The following ACACA variants were observed in gnomAD, a reference collection of about 807,000 sequenced individuals.
ACACA encodes the protein acetyl-CoA carboxylase 1.
A neutral mutation model predicts 296.1 loss-of-function variants in ACACA; 103 were observed. That is an observed-to-expected ratio of 0.35 (90% CI 0.30 to 0.41). ACACA has a LOEUF of 0.41. ACACA is among the 10% of genes least tolerant of loss of function. ACACA has a pLI of 1.00. For missense variants in ACACA, 1,554 were observed against 2,989.7 expected (o/e 0.52, Z 11.20); for synonymous variants, 953 against 1,038.6 (o/e 0.92, Z 1.58).
intron 3 of ACACA, among the ~76,000 whole-genome samples, chr17:37,317,833 T>C (rs937541926): frequency 1.3e-5 from 2 of 152,074 alleles, no homozygotes; most frequent in Non-Finnish European, 2.9e-5. Context: ...AAAATACATA[T>C]ATGGCCACAG....
chr17:37,353,482 T>C (rs1442325071), intron 1 of ACACA, among the ~76,000 whole-genome samples: 1 of 150,970 alleles, frequency 6.6e-6, no homozygotes. Context: ...CTACTAAAAA[T>C]ACAAAAATTA....
At chr17:37,222,136 C>A in intron 28 of ACACA, 1 of 426,820 alleles carries the variant, frequency 2.3e-6, no homozygotes, top group Non-Finnish European at 4.4e-6. Flanking sequence ...TAATCTTTAG[C>A]AAAAGACAGC....
chr17:37,244,873 A>G (rs749464014), intron 20 of ACACA, 139 bp from the exon 21 acceptor site: 7 of 1,390,216 alleles, frequency 5.0e-6, no homozygotes, highest in East Asian at 2.3e-5. Context: ...AGGAAACATC[A>G]TAAGGAAATT....
intron 35 of ACACA, among the ~76,000 whole-genome samples, chr17:37,196,449 A>C (rs1406793545): frequency 6.6e-6 from 1 of 151,962 alleles, no homozygotes; most frequent in Non-Finnish European, 1.5e-5. Flanking sequence ...CCTTTTTTTT[A>C]AATCTCATGA....
At chr17:37,273,940 T>C (rs118138251) in intron 9 of ACACA, among the ~76,000 whole-genome samples, 175 of 152,356 alleles carry the variant, frequency 1.1e-3, no homozygotes, top group Non-Finnish European at 2.0e-3. Context: ...TCTGTCCAGA[T>C]GAGCAGCCTG....
chr17:37,273,647 G>A (rs945041702), intron 9 of ACACA, among the ~76,000 whole-genome samples: 1 of 152,146 alleles, frequency 6.6e-6, no homozygotes, highest in African/African-American at 2.4e-5. Context: ...GGAAATCTGT[G>A]GTCATTCAGC....
intron 50 of ACACA, among the ~76,000 whole-genome samples, chr17:37,114,986 G>C (rs1177569022): frequency 6.6e-6 from 1 of 152,218 alleles, no homozygotes; most frequent in Non-Finnish European, 1.5e-5. Flanking sequence ...CAAACTATCA[G>C]TGAGCACAGT....
intron 8 of ACACA, among the ~76,000 whole-genome samples, chr17:37,275,477 C>G (rs899640541): frequency 8.9e-6 from 1 of 112,830 alleles, no homozygotes; most frequent in African/African-American, 3.6e-5. Context: ...GCCTGGGCAA[C>G]AGAGTGAGAC....
intron 30 of ACACA, among the ~76,000 whole-genome samples, chr17:37,208,114 T>C (rs933114379): frequency 6.6e-6 from 1 of 152,180 alleles, no homozygotes; most frequent in African/African-American, 2.4e-5. Context: ...GAATAGCACA[T>C]AGGGGTTAAA....
intron 1 of ACACA, among the ~76,000 whole-genome samples, chr17:37,355,588 G>A (rs1261017606): frequency 1.3e-5 from 2 of 151,780 alleles, no homozygotes; most frequent in Non-Finnish European, 2.9e-5. Flanking sequence ...AAGCACGGTG[G>A]CTCACGCCCA....
chr17:37,097,250 CTG>C lies in ACACA; in HGVS notation c.6721-86_6721-85del. The C allele has an allele frequency of 6.6e-7, 1 of 1,506,032 alleles. No individual in the cohort carries two copies. Among genetic ancestry groups the C allele is most frequent in the Non-Finnish European group, 9.0e-7 (1 of 1,107,150 alleles). 93.3% of individuals were successfully genotyped at this position (1,506,032 alleles called of 1,614,324 possible). A position where few individuals can be genotyped will look rare whatever the true frequency, so the allele number is the denominator to read the frequency against. On this transcript the variant is annotated intron_variant, in intron 53 of 55. Coordinates refer to ENST00000616317, the MANE Select transcript of ACACA (RefSeq NM_198834.3). The surrounding 1 kb of genome is among the most constrained non-coding windows in gnomAD (Gnocchi z 4.8). ...GGAGGGAAACCCACAGGCATAAAAA[CTG>C]ATTCTCCAGGCAAGCCCTTCACAGA...
At chr17:37,288,488 G>T (rs2082892994) in intron 3 of ACACA, among the ~76,000 whole-genome samples, 1 of 152,232 alleles carries the variant, frequency 6.6e-6, no homozygotes, top group African/African-American at 2.4e-5. Flanking sequence ...GGCTGGGGCT[G>T]TGGGAACCGA....
intron 41 of ACACA, among the ~76,000 whole-genome samples, chr17:37,177,269 CGTGTGTGTGT>C (rs112439511): frequency 6.8e-6 from 1 of 146,426 alleles, no homozygotes; most frequent in Non-Finnish European, 1.5e-5. Flanking sequence ...TTAAAAAATT[CGTGTGTGTGT>C]GTGTGTGTGT....
intron 35 of ACACA, among the ~76,000 whole-genome samples, chr17:37,198,345 T>C (rs1394412958): frequency 6.6e-6 from 1 of 152,208 alleles, no homozygotes; most frequent in Non-Finnish European, 1.5e-5. Flanking sequence ...TTTACAAATT[T>C]AGTGTTATTC....
chr17:37,234,386 G>A (rs2080009271), intron 25 of ACACA, among the ~76,000 whole-genome samples: 1 of 151,970 alleles, frequency 6.6e-6, no homozygotes, highest in South Asian at 2.1e-4. Context: ...AACTTACCAG[G>A]CTCACTCCCT....
chr17:37,164,098 C>T (rs1050941386), intron 41 of ACACA, among the ~76,000 whole-genome samples: 3 of 139,266 alleles, frequency 2.2e-5, no homozygotes, highest in Admixed American at 1.5e-4. Flanking sequence ...CCCCACCACT[C>T]GCCACCAAAC....
intron 51 of ACACA, among the ~76,000 whole-genome samples, 181 bp downstream of exon 51, chr17:37,112,907 A>G (rs1311165579): frequency 6.6e-6 from 1 of 152,172 alleles, no homozygotes; most frequent in East Asian, 1.9e-4. Context: ...TACAAACACC[A>G]TGGTCTTCAG....
rs1195936403 is a variant in ACACA, at chr17:37,113,641, AAAGG to A, written c.6275-380_6275-377del. Among the ~76,000 whole-genome samples, 1 of 152,258 alleles carries A rather than the reference AAAGG, an allele frequency of 6.6e-6. No individual in the cohort carries two copies. Among genetic ancestry groups the A allele is most frequent in the Non-Finnish European group, 1.5e-5 (1 of 68,044 alleles). ...GCTCTCCCACTACAGTAAGTTTACTAAAGGAAGGAACTATTCTACCTCTTTTCAG... is the reference window on the plus strand; with the variant it reads ...GCTCTCCCACTACAGTAAGTTTACTAAAGGAACTATTCTACCTCTTTTCAG... On this transcript the variant is annotated intron_variant, in intron 50 of 55. Coordinates refer to ENST00000616317, the MANE Select transcript of ACACA (RefSeq NM_198834.3). The surrounding 1 kb of genome is among the most constrained non-coding windows in gnomAD (Gnocchi z 4.0).
chr17:37,358,317 T>A (rs1389049776), intron 1 of ACACA, among the ~76,000 whole-genome samples: 1 of 152,212 alleles, frequency 6.6e-6, no homozygotes, highest in Non-Finnish European at 1.5e-5. Flanking sequence ...AATCATTAGC[T>A]TCACATCAGC....
Sources: allele counts gnomAD v4.1 joint callset (sites outside exome capture counted in the v4.1 genomes callset), GRCh38; gene constraint gnomAD v4.1.1; non-coding constraint Gnocchi (gnomAD v3.1); transcripts MANE v1.5; gene names NCBI Gene and HGNC (gene_info 2026-07-23, HGNC 2026-07-21).